The following TNKS2 variants were observed in gnomAD, a reference collection of about 807,000 sequenced individuals.
TNKS2 encodes poly [ADP-ribose] polymerase tankyrase-2.
TNKS2 carries 72 observed loss-of-function variants against 137.6 expected under a neutral mutation model. That is an observed-to-expected ratio of 0.52 (90% CI 0.43 to 0.64). The LOEUF (loss-of-function observed/expected upper bound fraction) is 0.64, where lower values mean the gene tolerates loss of function less well. TNKS2 is among the 30% of genes least tolerant of loss of function. TNKS2 has a pLI of 0.00. For missense variants in TNKS2, 1,049 were observed against 1,410.2 expected (o/e 0.74, Z 4.10); for synonymous variants, 516 against 512.1 (o/e 1.01, Z -0.10).
rs1424069787 is a variant in TNKS2, at chr10:91,803,561, T to C, written c.199+4672T>C. 2.0e-5 allele frequency among the ~76,000 whole-genome samples: 3 copies of C among 152,286 alleles called. No homozygotes were observed. In the East Asian group the frequency reaches 5.8e-4, roughly 29 times the overall value. On this transcript the variant is annotated intron_variant, in intron 1 of 26. Transcript: ENST00000371627. ...GGGAGGCTAAGGTTAGAGGATTACT[T>C]GAGCCAAGGCTGCAGTGAGCCGAGA...
Position 91,865,260 on chromosome 10 carries a change from A to G in TNKS2, c.*2261A>G, listed in dbSNP as rs978019217. 1.3e-5 allele frequency: 2 copies of G among 152,530 alleles called. No homozygotes were observed. The highest frequency in any genetic ancestry group is 2.9e-5 in the Non-Finnish European group (2 of 68,022). 9.4% of individuals were successfully genotyped at this position (152,530 alleles called of 1,614,324 possible). A position where few individuals can be genotyped will look rare whatever the true frequency, so the allele number is the denominator to read the frequency against. ...TCCATACCCTCATTTAATTCTTAAT[A>G]AAACTGTTCACTTGTTTTTCTGGGT... On this transcript the variant is annotated 3_prime_UTR_variant, in exon 27 of 27. Transcript: ENST00000371627.
chr10:91,854,980 C>G, intron 21 of TNKS2, 49 bp from the exon 22 acceptor site: 1 of 988,982 alleles, frequency 1.0e-6, no homozygotes. Context: ...TTTTGATGTT[C>G]ATTGTTTATT....
intron 1 of TNKS2, chr10:91,807,515 C>T (rs1011337785): frequency 1.1e-5 from 14 of 1,329,508 alleles, no homozygotes; most frequent in South Asian, 7.1e-5. Context: ...GTCCGGGAGT[C>T]GCCAACCGAC....
chr10:91,827,742 A>T lies in TNKS2; in HGVS notation c.982+539A>T, dbSNP rs567202885. 3.3e-5 allele frequency among the ~76,000 whole-genome samples: 5 copies of T among 152,334 alleles called. No individual in the cohort carries two copies. The East Asian group carries it at 5.8e-4, about 18-fold the overall frequency. ...GATTTATATTATCCTGGAATAATAA[A>T]GAATGATTGGTAGTTCCACAAGTCT... is the stretch of plus-strand genomic sequence containing the variant. On this transcript the variant is annotated intron_variant, in intron 8 of 26. Transcript: ENST00000371627.
chr10:91,837,135 G>A, intron 13 of TNKS2, 137 bp downstream of exon 13: 1 of 741,924 alleles, frequency 1.3e-6, no homozygotes, highest in Non-Finnish European at 2.0e-6. Context: ...AATCTTAATT[G>A]TTCTCTACAA....
rs1421244131 is a variant in TNKS2, at chr10:91,798,869, C to T, written c.179C>T (p.Thr60Ile). 7.3e-6 allele frequency: 10 copies of T among 1,364,200 alleles called. No homozygotes were observed. The highest frequency in any genetic ancestry group is 1.9e-4 in the Middle Eastern group (1 of 5,148). The allele number at this position is 1,364,200 out of a possible 1,614,324, so 84.5% of individuals were successfully genotyped here. The change falls in exon 1 of 27, where the codon ACC (threonine) becomes ATC (isoleucine). Residue 60 changes from threonine (T) to isoleucine (I), a missense_variant. Transcript: ENST00000371627. ...CGCGACACGGCGGGCAGGAAATCCA[C>T]CCCGCTGCACTTCGCCGCAGGTAAC... is the stretch of plus-strand genomic sequence containing the variant. The part of the protein sequence containing the change: ...NSRDTAGRKS[T>I]PLHFAAGFGR...
intron 13 of TNKS2, 75 bp downstream of exon 13, chr10:91,837,073 A>G (rs1270473062): frequency 3.5e-6 from 5 of 1,441,170 alleles, no homozygotes; most frequent in Admixed American, 2.2e-5. Flanking sequence ...TACTGTTACA[A>G]TGAAGAGCCT....
intron 12 of TNKS2, among the ~76,000 whole-genome samples, 162 bp downstream of exon 12, chr10:91,834,186 C>G (rs1213238459): frequency 2.0e-5 from 3 of 152,062 alleles, no homozygotes; most frequent in Admixed American, 6.6e-5. Context: ...TCCTCAGTTC[C>G]CAAATGTCAT....
chr10:91,802,950 T>C (rs917131616), intron 1 of TNKS2, among the ~76,000 whole-genome samples: 1 of 152,264 alleles, frequency 6.6e-6, no homozygotes, highest in African/African-American at 2.4e-5. Context: ...CTTTGAGCTA[T>C]ACCTTTGCCC....
At chr10:91,843,523 A>G (rs1842276397) in intron 16 of TNKS2, among the ~76,000 whole-genome samples, 1 of 152,190 alleles carries the variant, frequency 6.6e-6, no homozygotes, top group Non-Finnish European at 1.5e-5. Context: ...TGCAGGGTAC[A>G]ATTCATTTCG....
In TNKS2 at chr10:91,855,146, AT is replaced by A; in HGVS notation, c.2913+21del. Reference sequence around the variant, plus strand: ...GAAGAGGTATGTTCATATAACTTCAATAGTAGGTTTGCCGTATATATTTAGT... The same window carrying A: ...GAAGAGGTATGTTCATATAACTTCAAAGTAGGTTTGCCGTATATATTTAGT... On this transcript the variant is annotated intron_variant, in intron 22 of 26. Coordinates refer to ENST00000371627, the MANE Select transcript of TNKS2 (RefSeq NM_025235.4). 7.0e-7 allele frequency: 1 copy of A among 1,433,228 alleles called. No homozygotes were observed. The highest frequency in any genetic ancestry group is 1.1e-5 in the South Asian group (1 of 86,998). 88.8% of individuals were successfully genotyped at this position (1,433,228 alleles called of 1,614,324 possible).
chr10:91,802,239 G>A (rs1361848703), intron 1 of TNKS2, among the ~76,000 whole-genome samples: 1 of 152,164 alleles, frequency 6.6e-6, no homozygotes, highest in East Asian at 1.9e-4. Context: ...TTATTCAGAG[G>A]AGGAAAGTGG....
intron 16 of TNKS2, 122 bp downstream of exon 16, chr10:91,842,513 C>G: frequency 1.2e-6 from 1 of 832,526 alleles, no homozygotes; most frequent in Admixed American, 2.5e-5. Flanking sequence ...GTGGCTCACA[C>G]TTGTAATCCC....
intron 1 of TNKS2, among the ~76,000 whole-genome samples, chr10:91,800,166 G>A (rs990650814): frequency 4.6e-5 from 7 of 152,192 alleles, no homozygotes; most frequent in Non-Finnish European, 8.8e-5. Flanking sequence ...GAAACGGTTT[G>A]TGGGCAATGG....
In TNKS2 at chr10:91,864,235, C is replaced by A. The variant is rs376499713; in HGVS notation, c.*1236C>A. 3 of 152,576 alleles carry A rather than the reference C, an allele frequency of 2.0e-5. No homozygotes were observed. In the East Asian group the frequency reaches 5.8e-4, roughly 29 times the overall value. 9.5% of individuals were successfully genotyped at this position (152,576 alleles called of 1,614,324 possible). ...TTATGCCCAATTGGAAATATGCTGT[C>A]AGTTTGTGCACCATATGGTGACCAC... On this transcript the variant is annotated 3_prime_UTR_variant, in exon 27 of 27. Coordinates refer to ENST00000371627, the MANE Select transcript of TNKS2 (RefSeq NM_025235.4).
intron 18 of TNKS2, among the ~76,000 whole-genome samples, chr10:91,846,389 C>T (rs925041895): frequency 6.6e-6 from 1 of 152,192 alleles, no homozygotes; most frequent in African/African-American, 2.4e-5. Flanking sequence ...CTGCCTCATC[C>T]CAGAGTTCTT....
Position 91,863,033 on chromosome 10 carries a change from TA to T in TNKS2, c.*38del. 1.3e-6 allele frequency: 2 copies of T among 1,517,492 alleles called. No individual in the cohort carries two copies. Among genetic ancestry groups the T allele is most frequent in the Non-Finnish European group, 9.1e-7 (1 of 1,096,570 alleles). The allele number at this position is 1,517,492 out of a possible 1,614,324, so 94.0% of individuals were successfully genotyped here. A position where few individuals can be genotyped will look rare whatever the true frequency, so the allele number is the denominator to read the frequency against. On this transcript the variant is annotated 3_prime_UTR_variant, in exon 27 of 27. Transcript: ENST00000371627. ...TTTAAGAAACTAATTCCACTGAACC[TA>T]AAATCATCAAAGCAGCAGTGGCCTC...
chr10:91,840,649 T>C lies in TNKS2; in HGVS notation c.1616T>C (p.Val539Ala). Residue 539 changes from valine to alanine, a missense_variant, in exon 14 of 27, where the codon GTG becomes GCG. By Grantham distance (64) the Val-to-Ala change is moderately conservative. Around this residue, in one of 6 missense-constraint regions of TNKS2, gnomAD observed 328 missense variants for 436.0 expected, o/e 0.75. Coordinates refer to ENST00000371627, the MANE Select transcript of TNKS2 (RefSeq NM_025235.4). The stretch of plus-strand genomic sequence containing the variant: ...CATTTTGCAGCTGGGTATAACAGAG[T>C]GTCCGTGGTGGAATATCTGCTACAG... ...PLHFAAGYNRVSVVEYLLQHG... is the reference protein window; with the variant it reads ...PLHFAAGYNRASVVEYLLQHG... 2 of 1,614,084 alleles carry C rather than the reference T, an allele frequency of 1.2e-6. No individual in the cohort carries two copies. Among genetic ancestry groups the C allele is most frequent in the Non-Finnish European group, 1.7e-6 (2 of 1,179,998 alleles).
intron 25 of TNKS2, among the ~76,000 whole-genome samples, chr10:91,860,794 A>G (rs1033811408): frequency 9.9e-5 from 15 of 152,188 alleles, no homozygotes; most frequent in Non-Finnish European, 4.4e-5. Context: ...GGTAGTACAC[A>G]GTAGGCCCTC....
Sources: allele counts gnomAD v4.1 joint callset (sites outside exome capture counted in the v4.1 genomes callset), GRCh38; gene constraint gnomAD v4.1.1; regional missense constraint gnomAD v4.1.1; transcripts MANE v1.5; gene names NCBI Gene and HGNC (gene_info 2026-07-23, HGNC 2026-07-21).